The following DOCK3 variants were observed in gnomAD, a reference collection of about 807,000 sequenced individuals.
The protein encoded by DOCK3 is dedicator of cytokinesis 3.
DOCK3 carries 60 observed loss-of-function variants against 265.6 expected under a neutral mutation model. The observed-to-expected ratio is 0.23, with a 90% CI of 0.18 to 0.28. The LOEUF (loss-of-function observed/expected upper bound fraction) is 0.28. Among genes scored for constraint, DOCK3 ranks in the 10% least tolerant of loss-of-function variants. The pLI, the probability that DOCK3 is intolerant of heterozygous loss-of-function variation, is 1.00. For missense variants in DOCK3, 1,981 were observed against 2,594.3 expected (o/e 0.76, Z 5.14); for synonymous variants, 881 against 938.0 (o/e 0.94, Z 1.11).
chr3:50,690,425 T>A (rs762266283), intron 1 of DOCK3, among the ~76,000 whole-genome samples: 4 of 152,168 alleles, frequency 2.6e-5, no homozygotes, highest in Non-Finnish European at 4.4e-5. Flanking sequence ...TGAGCCATTG[T>A]GCCCTGCCCA....
chr3:50,946,125 A>T (rs1466559022), intron 5 of DOCK3, among the ~76,000 whole-genome samples: 2 of 147,872 alleles, frequency 1.4e-5, no homozygotes, highest in African/African-American at 4.9e-5. Context: ...AAAGGCTTAT[A>T]ACTGTGCCTT....
intron 2 of DOCK3, chr3:50,788,022 C>T: frequency 1.3e-6 from 1 of 746,248 alleles, no homozygotes; most frequent in South Asian, 1.6e-5. Flanking sequence ...GCATGCACAT[C>T]AGACTCTGCT....
At chr3:50,919,390 G>A (rs954898949) in intron 4 of DOCK3, among the ~76,000 whole-genome samples, 1 of 152,184 alleles carries the variant, frequency 6.6e-6, no homozygotes, top group African/African-American at 2.4e-5. Context: ...CCATGAGCAT[G>A]GAATGTTCTT....
chr3:51,026,304 A>G (rs1261790631), intron 5 of DOCK3, among the ~76,000 whole-genome samples: 1 of 152,072 alleles, frequency 6.6e-6, no homozygotes, highest in Non-Finnish European at 1.5e-5. Context: ...TATGTTTACC[A>G]TCCTTGCATC....
intron 3 of DOCK3, among the ~76,000 whole-genome samples, chr3:50,848,588 TTTTC>T (rs1227487397): frequency 6.6e-6 from 1 of 152,242 alleles, no homozygotes; most frequent in East Asian, 1.9e-4. Flanking sequence ...TTGGAATTTC[TTTTC>T]TTTAAGAATG....
chr3:50,703,694 T>C (rs903160481), intron 1 of DOCK3, among the ~76,000 whole-genome samples: 12 of 152,252 alleles, frequency 7.9e-5, no homozygotes, highest in Non-Finnish European at 1.5e-4. Context: ...ATGAACTTAT[T>C]TGGGTTTTCT....
chr3:51,187,094 C>T (rs2107793749), intron 12 of DOCK3, among the ~76,000 whole-genome samples: 1 of 152,310 alleles, frequency 6.6e-6, no homozygotes, highest in Middle Eastern at 3.4e-3. Flanking sequence ...CTGGAAAAGC[C>T]ACAGATGCTC....
chr3:51,097,056 G>A (rs144877911), intron 9 of DOCK3, among the ~76,000 whole-genome samples: 1 of 152,310 alleles, frequency 6.6e-6, no homozygotes, highest in African/African-American at 2.4e-5. Flanking sequence ...CCTGCTGGGA[G>A]GTGTCTCCCA....
intron 4 of DOCK3, among the ~76,000 whole-genome samples, chr3:50,904,120 C>T (rs1418063260): frequency 6.6e-6 from 1 of 152,184 alleles, no homozygotes; most frequent in Non-Finnish European, 1.5e-5. Context: ...GCATAGTATT[C>T]CATGGTGTAT....
chr3:51,320,203 G>A (rs1224634282), intron 32 of DOCK3, among the ~76,000 whole-genome samples: 4 of 152,204 alleles, frequency 2.6e-5, no homozygotes, highest in Non-Finnish European at 5.9e-5. Context: ...CACCTCTCCC[G>A]GGAAGCACAA....
At chr3:51,216,990 C>T (rs1434151902) in intron 14 of DOCK3, among the ~76,000 whole-genome samples, 1 of 152,010 alleles carries the variant, frequency 6.6e-6, no homozygotes, top group Non-Finnish European at 1.5e-5. Flanking sequence ...CCCATGAACA[C>T]GTGGAGATAT....
chr3:51,150,055 G>A (rs1417049235), intron 10 of DOCK3, among the ~76,000 whole-genome samples: 13 of 152,150 alleles, frequency 8.5e-5, no homozygotes, highest in South Asian at 6.2e-4. Flanking sequence ...ACTTCTTCCT[G>A]GTTTAGTCTT....
At chr3:51,341,117 G>C (rs7630259) in intron 37 of DOCK3, 120 bp from the exon 38 acceptor site, 11 of 1,259,730 alleles carry the variant, frequency 8.7e-6, no homozygotes, top group Non-Finnish European at 1.2e-5. Flanking sequence ...CAGTGTCCCC[G>C]ACCTGGGCTG....
At chr3:50,914,870 T>C (rs1003319744) in intron 4 of DOCK3, among the ~76,000 whole-genome samples, 1 of 152,120 alleles carries the variant, frequency 6.6e-6, no homozygotes, top group Admixed American at 6.5e-5. Flanking sequence ...TCCCTCTTGG[T>C]GTCATGTTTG....
At chr3:51,320,049 A>G (rs1204779304) in intron 32 of DOCK3, among the ~76,000 whole-genome samples, 1 of 151,630 alleles carries the variant, frequency 6.6e-6, no homozygotes, top group Admixed American at 6.6e-5. Context: ...CCAAATAGGA[A>G]CAGCTCTGGT....
Position 50,907,509 on chromosome 3 carries a change from A to G in DOCK3, c.218+17428A>G, listed in dbSNP as rs926486123. 4.6e-5 allele frequency among the ~76,000 whole-genome samples: 7 copies of G among 151,852 alleles called. 1 individual carries two copies. The highest frequency in any genetic ancestry group is 4.6e-4 in the Admixed American group (7 of 15,232). On this transcript the variant is annotated intron_variant, in intron 4 of 52. Coordinates refer to ENST00000266037, the MANE Select transcript of DOCK3 (RefSeq NM_004947.5). ...ATTGATCCCTTTACCATTATGTAAT[A>G]GCCTTCTTTGTCTTTTTTGATCTTT...
chr3:50,990,037 A>G (rs1390004657), intron 5 of DOCK3, among the ~76,000 whole-genome samples: 1 of 152,196 alleles, frequency 6.6e-6, no homozygotes, highest in Non-Finnish European at 1.5e-5. Flanking sequence ...AGAATGAACC[A>G]AGCTGAGGAA....
At chr3:50,842,528 A>C (rs1404634877) in intron 3 of DOCK3, among the ~76,000 whole-genome samples, 1 of 152,132 alleles carries the variant, frequency 6.6e-6, no homozygotes, top group South Asian at 2.1e-4. Flanking sequence ...GTGGTTTCTC[A>C]TTCTTGGCAC....
chr3:50,689,492 A>T (rs1265799862), intron 1 of DOCK3, among the ~76,000 whole-genome samples: 2 of 152,158 alleles, frequency 1.3e-5, no homozygotes, highest in African/African-American at 2.4e-5. Context: ...ACTCACCATC[A>T]CATCTTCATG....
Sources: gnomAD v4.1 joint callset for allele counts (sites outside exome capture counted in the v4.1 genomes callset) on GRCh38, gnomAD v4.1.1 for gene constraint, MANE v1.5 for transcripts, NCBI Gene and HGNC (gene_info 2026-07-23, HGNC 2026-07-21) for gene names.